The following ZFHX4 variants were observed in gnomAD, a reference collection of about 807,000 sequenced individuals.
ZFHX4 encodes zinc finger homeobox protein 4.
ZFHX4 carries 56 observed loss-of-function variants against 267.6 expected under a neutral mutation model. The observed-to-expected ratio is 0.21, with a 90% CI of 0.17 to 0.26. The LOEUF is 0.26. Ranked by LOEUF, ZFHX4 falls within the 10% of genes least tolerant of loss-of-function variation. The pLI is 1.00. For synonymous variants in ZFHX4, 1,778 were observed against 1,665.6 expected (o/e 1.07, Z -1.64); for missense variants, 4,332 against 4,420.0 (o/e 0.98, Z 0.56).
At chr8:76,778,118 A>G (rs1174652309) in intron 3 of ZFHX4, 90 bp from the exon 4 acceptor site, 73 of 834,098 alleles carry the variant, frequency 8.8e-5, no homozygotes, top group Non-Finnish European at 1.2e-4. Flanking sequence ...TGTGTAACCA[A>G]TGTTTATCAT....
intron 4 of ZFHX4, among the ~76,000 whole-genome samples, chr8:76,817,477 G>T (rs1811537069): frequency 6.6e-6 from 1 of 152,176 alleles, no homozygotes; most frequent in Admixed American, 6.5e-5. Flanking sequence ...CTCAAGGGAA[G>T]CGTGGGGAGG....
At chr8:76,697,793 TTAA>T (rs1044672268) in intron 1 of ZFHX4, among the ~76,000 whole-genome samples, 5 of 152,074 alleles carry the variant, frequency 3.3e-5, no homozygotes, top group Non-Finnish European at 7.4e-5. Flanking sequence ...GATTTATGGA[TTAA>T]TATTTTTTTA....
intron 4 of ZFHX4, among the ~76,000 whole-genome samples, chr8:76,815,434 G>T (rs957592035): frequency 1.3e-5 from 2 of 152,090 alleles, no homozygotes; most frequent in South Asian, 4.1e-4. Flanking sequence ...TCCCATAAAT[G>T]GTACCTTATT....
At chr8:76,810,130 C>T (rs1188692865) in intron 4 of ZFHX4, among the ~76,000 whole-genome samples, 1 of 152,206 alleles carries the variant, frequency 6.6e-6, no homozygotes, top group African/African-American at 2.4e-5. Context: ...TTCTTATAAA[C>T]TCTTTCACTG....
At chr8:76,722,701 C>T (rs997990535) in intron 3 of ZFHX4, among the ~76,000 whole-genome samples, 35 of 150,610 alleles carry the variant, frequency 2.3e-4, no homozygotes, top group Non-Finnish European at 4.7e-4. Context: ...AATTGAGGTG[C>T]AAAAATAGCT....
At position 76,852,246 on chromosome 8, in the gene ZFHX4, T is replaced by C. The variant is rs753148251; in HGVS notation, c.5325T>C (p.Leu1775=). The C allele has an allele frequency of 3.1e-6, 5 of 1,606,720 alleles. No homozygotes were observed. Among genetic ancestry groups the C allele is most frequent in the Non-Finnish European group, 4.3e-6 (5 of 1,176,012 alleles). Residue 1775 remains leucine, a synonymous_variant, in exon 10 of 11, where the codon CTT becomes CTC. Coordinates refer to ENST00000651372, the MANE Select transcript of ZFHX4 (RefSeq NM_024721.5). ...PGMTGMAGSL[L]EDLKQQIQTQ... ...TGACAGGAATGGCTGGCTCCTTGCT[T>C]GAAGACCTAAAGCAGCAGATTCAAA...
intron 1 of ZFHX4, among the ~76,000 whole-genome samples, chr8:76,700,111 G>T (rs970781886): frequency 6.6e-6 from 1 of 151,908 alleles, no homozygotes; most frequent in African/African-American, 2.4e-5. Context: ...TATAATTCAA[G>T]GATTTTTATT....
intron 5 of ZFHX4, among the ~76,000 whole-genome samples, chr8:76,835,350 C>T (rs1391125369): frequency 2.7e-5 from 4 of 150,124 alleles, no homozygotes; most frequent in Non-Finnish European, 5.9e-5. Context: ...CCTACTACTA[C>T]AACACAGCTC....
chr8:76,706,131 G>C lies in ZFHX4; in HGVS notation c.2043G>C (p.Gln681His). The C allele has an allele frequency of 6.2e-7, 1 of 1,613,906 alleles. No individual in the cohort carries two copies. ...GGSCVYCKTG[Q>H]PHPRLARGES... is the part of the protein sequence containing the mutation. Reference sequence around the variant, plus strand: ...CTTGTGTTTATTGTAAGACTGGACAGCCTCACCCCAGGCTTGCCCGGGGTG... The same window carrying C: ...CTTGTGTTTATTGTAAGACTGGACACCCTCACCCCAGGCTTGCCCGGGGTG... Residue 681 changes from glutamine to histidine, a missense_variant, in exon 2 of 11, where the codon CAG becomes CAC. Physicochemically the swap from Gln to His is conservative, Grantham distance 24 (BLOSUM62 0). This residue lies in a region of ZFHX4 where 1,195 missense variants were observed against 1,173.6 expected (regional missense o/e 1.02). Coordinates refer to ENST00000651372, the MANE Select transcript of ZFHX4 (RefSeq NM_024721.5).
At chr8:76,810,715 AG>A in intron 4 of ZFHX4, among the ~76,000 whole-genome samples, 1 of 152,344 alleles carries the variant, frequency 6.6e-6, no homozygotes, top group East Asian at 1.9e-4. Flanking sequence ...AAGAAAAATG[AG>A]AAGGCACAGG....
intron 10 of ZFHX4, among the ~76,000 whole-genome samples, chr8:76,860,577 A>C (rs1209998592): frequency 6.6e-6 from 1 of 152,070 alleles, no homozygotes; most frequent in Non-Finnish European, 1.5e-5. Context: ...TAGGGGGGAA[A>C]TTAGGTGAAA....
chr8:76,722,118 T>C (rs895541019), intron 3 of ZFHX4, among the ~76,000 whole-genome samples: 12 of 152,108 alleles, frequency 7.9e-5, no homozygotes, highest in African/African-American at 2.9e-4. Context: ...GAGATCTTCA[T>C]GTGGCTGATT....
intron 3 of ZFHX4, among the ~76,000 whole-genome samples, chr8:76,771,800 A>T (rs1810270786): frequency 6.6e-6 from 1 of 152,158 alleles, no homozygotes; most frequent in South Asian, 2.1e-4. Flanking sequence ...ATGGTGGCAA[A>T]ATGTAGAGAT....
intron 1 of ZFHX4, among the ~76,000 whole-genome samples, chr8:76,694,145 C>T (rs945869169): frequency 2.0e-5 from 3 of 152,122 alleles, no homozygotes; most frequent in Admixed American, 2.0e-4. Flanking sequence ...TAAACTCTAT[C>T]GTGTACATAA....
intron 5 of ZFHX4, 121 bp downstream of exon 5, chr8:76,833,527 C>A: frequency 2.9e-6 from 2 of 684,354 alleles, no homozygotes; most frequent in Admixed American, 3.1e-5. Flanking sequence ...GATCATATGC[C>A]TTATTCAAAT....
chr8:76,824,271 T>C (rs1029350602), intron 4 of ZFHX4, among the ~76,000 whole-genome samples: 3 of 152,228 alleles, frequency 2.0e-5, no homozygotes, highest in Admixed American at 1.3e-4. Flanking sequence ...GTGTGTTCAG[T>C]AAGGCATATG....
Position 76,852,649 on chromosome 8 carries a change from A to G in ZFHX4, c.5728A>G (p.Lys1910Glu). Residue 1910 changes from lysine to glutamate, a missense_variant, in exon 10 of 11, where the codon AAA (lysine) becomes GAA (glutamate). Lys to Glu is a moderately conservative substitution (Grantham distance 56, BLOSUM62 1). Transcript: ENST00000651372. Reference sequence around the variant, plus strand: ...TTCAGGGGCCAGAGGAAATGCTGCCAAAGCGTTATTGGAAAACTTTGGTTT... The same window carrying G: ...TTCAGGGGCCAGAGGAAATGCTGCCGAAGCGTTATTGGAAAACTTTGGTTT... ...IASGARGNAA[K>E]ALLENFGFEL... 1 of 1,613,646 alleles carries G rather than the reference A, an allele frequency of 6.2e-7. No individual in the cohort carries two copies. Among genetic ancestry groups the G allele is most frequent in the South Asian group, 1.1e-5 (1 of 91,036 alleles).
Position 76,697,347 on chromosome 8 carries a change from G to C in ZFHX4, c.-46-6696G>C, listed in dbSNP as rs559608295. On this transcript the variant is annotated intron_variant, in intron 1 of 10. Transcript: ENST00000651372. ...CTAGTTCGGTATATCTATTTTTGAAGCCAAATATTCTACAGTTATATATAA... is the reference window on the plus strand; with the variant it reads ...CTAGTTCGGTATATCTATTTTTGAACCCAAATATTCTACAGTTATATATAA... 1.1e-4 allele frequency among the ~76,000 whole-genome samples: 17 copies of C among 151,874 alleles called. No homozygotes were observed. In the South Asian group the frequency reaches 3.5e-3, roughly 32 times the overall value.
Position 76,855,175 on chromosome 8 carries a change from G to C in ZFHX4, c.8254G>C (p.Val2752Leu), listed in dbSNP as rs1419989008. ...LSSENELAST[V>L]STPVSKTAEL... ...AAGTGAGAATGAATTGGCTTCTACA[G>C]TGTCAACACCTGTTAGTAAAACAGC... The change falls in exon 10 of 11, where the codon GTG becomes CTG. Residue 2752 changes from valine to leucine, a missense_variant. Physicochemically the swap from Val to Leu is conservative, Grantham distance 32. This residue lies in a region of ZFHX4 where 1,648 missense variants were observed against 1,625.0 expected (regional missense o/e 1.01). Transcript: ENST00000651372. 3 of 1,613,594 alleles carry C rather than the reference G, an allele frequency of 1.9e-6. No individual in the cohort carries two copies. The South Asian group carries it at 3.3e-5, about 18-fold the overall frequency.
Sources: gnomAD v4.1 joint callset for allele counts (sites outside exome capture counted in the v4.1 genomes callset) on GRCh38, gnomAD v4.1.1 for gene constraint, gnomAD v4.1.1 regional missense constraint, MANE v1.5 for transcripts, NCBI Gene and HGNC (gene_info 2026-07-23, HGNC 2026-07-21) for gene names.